Variants in ABCA9 observed in about 807,000 individuals in gnomAD.
ABCA9 encodes the protein ATP-binding cassette sub-family A member 9.
Under a neutral mutation model 205.3 loss-of-function variants are expected in ABCA9, and 183 were observed. That is an observed-to-expected ratio of 0.89 (90% CI 0.79 to 1.01). The LOEUF (loss-of-function observed/expected upper bound fraction) is 1.01. Ranked by LOEUF, ABCA9 falls within the 50% of genes least tolerant of loss-of-function variation. The pLI, the probability that ABCA9 is intolerant of heterozygous loss-of-function variation, is 0.00. For synonymous variants in ABCA9, 651 were observed against 683.3 expected (o/e 0.95, Z 0.74); for missense variants, 1,805 against 1,912.4 (o/e 0.94, Z 1.05).
chr17:69,049,518 C>G lies in ABCA9; in HGVS notation c.97-28G>C, dbSNP rs2071832485. The G allele has an allele frequency of 2.6e-6, 4 of 1,541,534 alleles. No individual in the cohort carries two copies. In the South Asian group the frequency reaches 3.5e-5, roughly 13 times the overall value. ...ATATAGCAATAAGAGAAAAAGGAAA[C>G]AAACTGGTAGATGTTATACCACAGA... On this transcript the variant is annotated intron_variant, in intron 2 of 38. Coordinates refer to ENST00000340001, the MANE Select transcript of ABCA9 (RefSeq NM_080283.4).
At chr17:69,071,569 C>T in the ABCA9 span, among the ~76,000 whole-genome samples, 14 of 152,210 alleles carry the variant, frequency 9.2e-5, no homozygotes, top group African/African-American at 2.9e-4. Flanking sequence ...AGGACGACCA[C>T]GCAAAAACTC....
chr17:69,038,555 A>G (rs2071422036), intron 6 of ABCA9, among the ~76,000 whole-genome samples: 1 of 152,216 alleles, frequency 6.6e-6, no homozygotes, highest in Non-Finnish European at 1.5e-5. Flanking sequence ...CTAGGTATTT[A>G]TGCAACATAT....
intron 22 of ABCA9, 106 bp downstream of exon 22, chr17:69,016,147 T>G: frequency 1.4e-6 from 1 of 698,830 alleles, no homozygotes; most frequent in Non-Finnish European, 2.1e-6. Context: ...CACACACAAG[T>G]TTAAGAATAG....
In ABCA9 at chr17:68,995,985, A is replaced by C. The variant is rs746610016; in HGVS notation, c.3465T>G (p.Asp1155Glu). The C allele has an allele frequency of 2.5e-6, 4 of 1,613,626 alleles. No homozygotes were observed. Among genetic ancestry groups the C allele is most frequent in the Non-Finnish European group, 2.5e-6 (3 of 1,179,904 alleles). Residue 1155 changes from aspartate to glutamate, a missense_variant, in exon 26 of 39, where the codon GAT becomes GAG. Transcript: ENST00000340001. ...GCCCTAGAAATCCATATTCATTTAG[A>C]TCAGTAGCAACTATCGAGAAGATGA... is the stretch of plus-strand genomic sequence containing the variant. ...IVVIFSIVAT[D>E]LNEYGFLGLF... is the part of the protein sequence containing the mutation.
At chr17:69,061,190 G>A, upstream of ABCA9, 1 of 978,122 alleles carries the variant, frequency 1.0e-6, no homozygotes, top group South Asian at 4.7e-5. Context: ...AAACCAAGGA[G>A]AATCTAGCCT....
intron 1 of ABCA9, among the ~76,000 whole-genome samples, chr17:69,052,668 G>C (rs28777976): frequency 6.6e-6 from 1 of 152,066 alleles, no homozygotes; most frequent in East Asian, 1.9e-4. Context: ...GACACCAACT[G>C]GGTGACCTAA....
At chr17:69,057,629 A>T (rs1399959450) in intron 1 of ABCA9, among the ~76,000 whole-genome samples, 1 of 152,212 alleles carries the variant, frequency 6.6e-6, no homozygotes, top group Non-Finnish European at 1.5e-5. Context: ...CAACATAATG[A>T]AGGTAACTTA....
rs774981819 is a variant in ABCA9, at chr17:68,986,198, G to C, written c.4174C>G (p.Leu1392Val). The change falls in exon 32 of 39, where the codon CTC becomes GTC. Residue 1392 changes from leucine (L) to valine (V), a missense_variant. Transcript: ENST00000340001. ...GCGATCATTGCGTCCCCTTTCCTGA[G>C]ACCTTTCACGGCAGCGTACACCTCC... ...HLEVYAAVKG[L>V]RKGDAMIAIT... The C allele has an allele frequency of 1.9e-6, 3 of 1,612,948 alleles. No homozygotes were observed. Among genetic ancestry groups the C allele is most frequent in the Non-Finnish European group, 2.5e-6 (3 of 1,179,422 alleles).
At chr17:69,008,691 A>G (rs1052173835) in intron 23 of ABCA9, among the ~76,000 whole-genome samples, 8 of 152,180 alleles carry the variant, frequency 5.3e-5, no homozygotes, top group African/African-American at 1.9e-4. Context: ...AGTTGATTTC[A>G]TTTAAAAACT....
rs141808062 is a variant in ABCA9 at position 69,009,189 on chromosome 17, T to C, written c.3148-954A>G. ...AATAGAGGCAATAGGCAAATAAATATAGTGATAGCTACCTAAGTAAAATTG... is the reference window on the plus strand; with the variant it reads ...AATAGAGGCAATAGGCAAATAAATACAGTGATAGCTACCTAAGTAAAATTG... On this transcript the variant is annotated intron_variant, in intron 23 of 38. Transcript: ENST00000340001. Among the ~76,000 whole-genome samples the C allele has an allele frequency of 1.2e-4, 19 of 152,290 alleles. No homozygotes were observed. In the East Asian group the frequency reaches 3.5e-3, roughly 28 times the overall value.
chr17:68,978,082 T>C (rs538136836), intron 37 of ABCA9, among the ~76,000 whole-genome samples: 3 of 152,288 alleles, frequency 2.0e-5, no homozygotes, highest in South Asian at 2.1e-4. Flanking sequence ...AAGTCTGCCA[T>C]TATTATTGTG....
chr17:69,018,080 T>A, intron 20 of ABCA9: 1 of 375,470 alleles, frequency 2.7e-6, no homozygotes, highest in Non-Finnish European at 4.7e-6. Flanking sequence ...TCTATCTTTT[T>A]AAATTTGAAA....
chr17:69,057,793 A>G (rs550306723), intron 1 of ABCA9, among the ~76,000 whole-genome samples: 82 of 152,318 alleles, frequency 5.4e-4, no homozygotes, highest in African/African-American at 1.9e-3. Context: ...TAATGCTCAG[A>G]AAAAAAGGAT....
rs1460547740 is a variant in ABCA9, at chr17:68,975,955, G to A, written c.4835C>T (p.Pro1612Leu). 6.2e-7 allele frequency: 1 copy of A among 1,613,614 alleles called. No individual in the cohort carries two copies. The highest frequency in any genetic ancestry group is 8.5e-7 in the Non-Finnish European group (1 of 1,179,826). The change falls in exon 39 of 39, where the codon CCC becomes CTC. Residue 1612 changes from proline to leucine, a missense_variant. Transcript: ENST00000340001. Reference protein sequence around the residue: ...ELGDLEEDFDPSVKWKLLLQE... With the variant: ...ELGDLEEDFDLSVKWKLLLQE... ...CAGGAGGAGTTTCCACTTCACCGAG[G>A]GATCAAAGTCCTCTTCAAGATCACC... is the stretch of plus-strand genomic sequence containing the variant.
At chr17:69,076,634 C>T in the ABCA9 span, among the ~76,000 whole-genome samples, 2 of 152,112 alleles carry the variant, frequency 1.3e-5, no homozygotes, top group Admixed American at 1.3e-4. Context: ...GTGAATCCAT[C>T]TGGTCTGGGT....
Position 69,017,746 on chromosome 17 carries a change from G to A in ABCA9, c.2811C>T (p.Asn937=), listed in dbSNP as rs1168485873. The A allele has an allele frequency of 6.2e-7, 1 of 1,613,426 alleles. No homozygotes were observed. Among genetic ancestry groups the A allele is most frequent in the East Asian group, 2.2e-5 (1 of 44,868 alleles). Residue 937 remains asparagine, a synonymous_variant, in exon 21 of 39, where the codon AAC becomes AAT. Coordinates refer to ENST00000340001, the MANE Select transcript of ABCA9 (RefSeq NM_080283.4). Reference sequence around the variant, plus strand: ...CAAAGGCATCCACTTCTATAGCTATGTTCTGTCGCCTCAGTGAATGTAAAA... The same window carrying A: ...CAAAGGCATCCACTTCTATAGCTATATTCTGTCGCCTCAGTGAATGTAAAA... ...DNFLHSLRRQ[N]IAIEVDAFGT...
intron 23 of ABCA9, among the ~76,000 whole-genome samples, chr17:69,009,224 TAAG>T (rs1197427250): frequency 6.6e-6 from 1 of 152,144 alleles, no homozygotes; most frequent in Non-Finnish European, 1.5e-5. Flanking sequence ...GTACATGTGT[TAAG>T]AAGAATTCAG....
rs2070607698 is a variant in ABCA9, at chr17:69,016,263, G to A, written c.3029C>T (p.Thr1010Ile). 6.4e-7 allele frequency: 1 copy of A among 1,573,456 alleles called. No individual in the cohort carries two copies. The highest frequency in any genetic ancestry group is 1.4e-5 in the African/African-American group (1 of 72,170). ...TATAATTATACTTACTTCAAAAAAT[G>A]TGCTTCTGTCAGTCTGAATGTGTTC... ...SSEHIQTDRS[T>I]FFEEHMDYEY... is the part of the protein sequence containing the mutation. The change falls in exon 22 of 39, where the codon ACA becomes ATA. Residue 1010 changes from threonine (T) to isoleucine (I), a missense_variant. By Grantham distance (89) the Thr-to-Ile change is moderately conservative. Transcript: ENST00000340001.
intron 1 of ABCA9, among the ~76,000 whole-genome samples, chr17:69,053,703 A>T (rs1426646262): frequency 6.6e-6 from 1 of 152,166 alleles, no homozygotes; most frequent in African/African-American, 2.4e-5. Flanking sequence ...ACAATTGAAA[A>T]TGTGTAACAT....
Sources: allele counts gnomAD v4.1 joint callset (sites outside exome capture counted in the v4.1 genomes callset), GRCh38; gene constraint gnomAD v4.1.1; transcripts MANE v1.5; gene names NCBI Gene and HGNC (gene_info 2026-07-23, HGNC 2026-07-21).